Variants in WDR45B observed in about 807,000 individuals in gnomAD.
WDR45B encodes WD repeat domain phosphoinositide-interacting protein 3.
In WDR45B, 20 loss-of-function variants were observed where a neutral mutation model predicts 44.6. That is an observed-to-expected ratio of 0.45 (90% CI 0.32 to 0.65). The LOEUF is 0.65. Among genes scored for constraint, WDR45B ranks in the 30% least tolerant of loss-of-function variants. The pLI is 0.05. For synonymous variants in WDR45B, 169 were observed against 164.9 expected (o/e 1.02, Z -0.19); for missense variants, 323 against 430.2 (o/e 0.75, Z 2.20).
In WDR45B at chr17:82,616,516, C is replaced by T; in HGVS notation, c.928+8G>A. On this transcript the variant is annotated splice_region_variant and intron_variant, in intron 9 of 9. Coordinates refer to ENST00000392325, the MANE Select transcript of WDR45B (RefSeq NM_019613.4). ...GTGGGGACGTTCTCTCCAGGAAGGACCACTCACCAATGACGGCGTTTGGCT... is the reference window on the plus strand; with the variant it reads ...GTGGGGACGTTCTCTCCAGGAAGGATCACTCACCAATGACGGCGTTTGGCT... 6.2e-7 allele frequency: 1 copy of T among 1,613,828 alleles called. No homozygotes were observed. Among genetic ancestry groups the T allele is most frequent in the East Asian group, 2.2e-5 (1 of 44,862 alleles).
intron 1 of WDR45B, 47 bp downstream of exon 1, chr17:82,648,227 T>C (rs754760585): frequency 1.9e-6 from 3 of 1,577,676 alleles, no homozygotes; most frequent in African/African-American, 1.4e-5. Context: ...GACCCCGGGC[T>C]GCGGGAAGGC....
intron 1 of WDR45B, 200 bp from the exon 2 acceptor site, chr17:82,644,223 C>T (rs2045950712): frequency 1.6e-6 from 1 of 630,352 alleles, no homozygotes. Flanking sequence ...TTTGTTTGTC[C>T]TTTAGCAAAG....
At chr17:82,642,298 C>A (rs1176165014) in intron 2 of WDR45B, among the ~76,000 whole-genome samples, 1 of 152,172 alleles carries the variant, frequency 6.6e-6, no homozygotes, top group Admixed American at 6.5e-5. Flanking sequence ...GAAGCATGAA[C>A]CCCACTGTGA....
intron 5 of WDR45B, 125 bp downstream of exon 5, chr17:82,625,262 CCT>C: frequency 1.1e-6 from 1 of 869,576 alleles, no homozygotes; most frequent in African/African-American, 1.7e-5. Context: ...TCTGGAGGCC[CCT>C]CTGTGCTCAG....
intron 2 of WDR45B, among the ~76,000 whole-genome samples, chr17:82,642,737 C>T (rs1229921755): frequency 6.6e-6 from 1 of 152,128 alleles, no homozygotes; most frequent in East Asian, 1.9e-4. Flanking sequence ...AGAAATTCCC[C>T]ACATTCAGTC....
chr17:82,627,744 C>T (rs915355662), intron 3 of WDR45B, among the ~76,000 whole-genome samples: 1 of 152,268 alleles, frequency 6.6e-6, no homozygotes. Flanking sequence ...CGCACACAGG[C>T]GCGCTGAGCG....
chr17:82,621,402 T>C (rs904987797), intron 6 of WDR45B, among the ~76,000 whole-genome samples: 4 of 152,192 alleles, frequency 2.6e-5, no homozygotes, highest in Non-Finnish European at 5.9e-5. Flanking sequence ...TGTAAATAAT[T>C]AGAAATAAAA....
At chr17:82,632,980 T>C (rs188798325) in intron 2 of WDR45B, among the ~76,000 whole-genome samples, 45 of 152,156 alleles carry the variant, frequency 3.0e-4, no homozygotes, top group Non-Finnish European at 5.3e-4. Context: ...CTGGCCAACA[T>C]AGTGAAACTC....
At chr17:82,623,906 G>C (rs1035613635) in intron 5 of WDR45B, among the ~76,000 whole-genome samples, 1 of 151,944 alleles carries the variant, frequency 6.6e-6, no homozygotes, top group Non-Finnish European at 1.5e-5. Context: ...ACACACGCAC[G>C]GAACGGCTAC....
At chr17:82,638,205 G>A (rs1331930330) in intron 2 of WDR45B, among the ~76,000 whole-genome samples, 6 of 62,868 alleles carry the variant, frequency 9.5e-5, no homozygotes, top group Non-Finnish European at 1.4e-4. Flanking sequence ...GGAAAGGGAG[G>A]GGAGGGAAAG....
rs371693294 is a variant in WDR45B, at chr17:82,627,723, C to A, written c.245-432G>T. On this transcript the variant is annotated intron_variant, in intron 3 of 9. Transcript: ENST00000392325. ...ACAGCCCGGTCCCGGTCTCAGGCGACCCACTGGCCTCGCACACAGGCGCGC... is the reference window on the plus strand; with the variant it reads ...ACAGCCCGGTCCCGGTCTCAGGCGAACCACTGGCCTCGCACACAGGCGCGC... 3.0e-4 allele frequency among the ~76,000 whole-genome samples: 45 copies of A among 152,410 alleles called. 1 individual carries two copies. The highest frequency in any genetic ancestry group is 6.8e-3 in the Middle Eastern group (2 of 294).
At chr17:82,623,860 A>C (rs2045654680) in intron 5 of WDR45B, among the ~76,000 whole-genome samples, 1 of 152,034 alleles carries the variant, frequency 6.6e-6, no homozygotes, top group Non-Finnish European at 1.5e-5. Context: ...GCAAACCAAA[A>C]CCACAAGGAG....
At chr17:82,646,809 A>G (rs531833452) in intron 1 of WDR45B, among the ~76,000 whole-genome samples, 31 of 152,308 alleles carry the variant, frequency 2.0e-4, no homozygotes, top group African/African-American at 6.7e-4. Context: ...CATCTCCCTT[A>G]CCATCTCAGC....
intron 2 of WDR45B, among the ~76,000 whole-genome samples, chr17:82,637,124 C>T (rs1420745748): frequency 6.6e-6 from 1 of 152,000 alleles, no homozygotes; most frequent in South Asian, 2.1e-4. Flanking sequence ...GCTGGTTTTA[C>T]TTCACAGCAC....
At chr17:82,645,986 T>C (rs899520539) in intron 1 of WDR45B, among the ~76,000 whole-genome samples, 1 of 151,696 alleles carries the variant, frequency 6.6e-6, no homozygotes, top group African/African-American at 2.4e-5. Context: ...CCGGGAGCGG[T>C]GGCGGGCACC....
chr17:82,630,825 T>C lies in WDR45B; in HGVS notation c.244+96A>G, dbSNP rs537688624. ...AGTCCTGGATATTTCACAGAACTACTAGGGAAAATCACACATGGCCACAAA... is the reference window on the plus strand; with the variant it reads ...AGTCCTGGATATTTCACAGAACTACCAGGGAAAATCACACATGGCCACAAA... On this transcript the variant is annotated intron_variant, in intron 3 of 9. Coordinates refer to ENST00000392325, the MANE Select transcript of WDR45B (RefSeq NM_019613.4). 2,315 of 1,213,240 alleles carry C rather than the reference T, an allele frequency of 1.9e-3. 5 individuals are homozygous for C. The highest frequency in any genetic ancestry group is 2.3e-3 in the Non-Finnish European group (1,871 of 819,364). The allele number at this position is 1,213,240 out of a possible 1,614,324, so 75.2% of individuals were successfully genotyped here. A position where few individuals can be genotyped will look rare whatever the true frequency, so the allele number is the denominator to read the frequency against.
chr17:82,616,384 C>G lies in WDR45B; in HGVS notation c.928+140G>C. On this transcript the variant is annotated intron_variant, in intron 9 of 9. Coordinates refer to ENST00000392325, the MANE Select transcript of WDR45B (RefSeq NM_019613.4). Reference sequence around the variant, plus strand: ...CCGTAAGCGGGACACACTGAGCCCACAGGAGAAATAAGGGGAACTGGGCGG... The same window carrying G: ...CCGTAAGCGGGACACACTGAGCCCAGAGGAGAAATAAGGGGAACTGGGCGG... 2.2e-6 allele frequency: 3 copies of G among 1,367,068 alleles called. No individual in the cohort carries two copies. In the South Asian group the frequency reaches 3.6e-5, roughly 16 times the overall value. The allele number at this position is 1,367,068 out of a possible 1,614,324, so 84.7% of individuals were successfully genotyped here.
intron 2 of WDR45B, among the ~76,000 whole-genome samples, chr17:82,636,925 T>C (rs770371677): frequency 1.4e-4 from 21 of 151,946 alleles, no homozygotes; most frequent in Non-Finnish European, 2.9e-4. Flanking sequence ...AAGTAGCCTA[T>C]TGGGTCAGCT....
intron 4 of WDR45B, chr17:82,625,688 A>T (rs186817765): frequency 6.9e-6 from 4 of 583,324 alleles, no homozygotes; most frequent in Non-Finnish European, 1.2e-5. Flanking sequence ...CTGCTGAGGG[A>T]GTGCTTCTCG....
Sources: allele counts gnomAD v4.1 joint callset (sites outside exome capture counted in the v4.1 genomes callset), GRCh38; gene constraint gnomAD v4.1.1; transcripts MANE v1.5; gene names NCBI Gene and HGNC (gene_info 2026-07-23, HGNC 2026-07-21).